MAN2A1: variants seen among roughly 807,000 people sequenced by gnomAD.
MAN2A1 encodes alpha-mannosidase 2.
MAN2A1 carries 76 observed loss-of-function variants against 142.6 expected under a neutral mutation model. The ratio of observed to expected loss-of-function variants is 0.53; its 90% CI spans 0.44 to 0.65. The LOEUF (loss-of-function observed/expected upper bound fraction) is 0.65, where lower values mean the gene tolerates loss of function less well. Among genes scored for constraint, MAN2A1 ranks in the 30% least tolerant of loss-of-function variants. The probability of loss-of-function intolerance (pLI) is 0.00; values close to 1 mark genes in which losing one functional copy is unlikely to be tolerated. For synonymous variants in MAN2A1, 559 were observed against 473.2 expected (o/e 1.18, Z -2.35); for missense variants, 1,311 against 1,365.1 (o/e 0.96, Z 0.62).
chr5:109,840,339 AT>A (rs1755167903), intron 16 of MAN2A1: 3 of 350,024 alleles, frequency 8.6e-6, no homozygotes, highest in South Asian at 7.9e-5. Flanking sequence ...TCTTCTTGAC[AT>A]TTTGGAAAAG....
chr5:109,698,429 C>T (rs1199321597), intron 1 of MAN2A1, among the ~76,000 whole-genome samples: 1 of 152,180 alleles, frequency 6.6e-6, no homozygotes, highest in Non-Finnish European at 1.5e-5. Flanking sequence ...CATTTGTGTC[C>T]TCACAGATTT....
Position 109,716,236 on chromosome 5 carries a change from T to C in MAN2A1, c.507T>C (p.Phe169=), listed in dbSNP as rs752195808. The C allele has an allele frequency of 1.7e-5, 27 of 1,604,926 alleles. No individual in the cohort carries two copies. In the South Asian group the frequency reaches 2.8e-4, roughly 17 times the overall value. ...GGGACACTGAACCCCTTCAAGTCTT[T>C]GTGGTGCCTCATTCCCATAACGACC... The part of the protein sequence containing the change: ...NEWDTEPLQV[F]VVPHSHNDPG... Residue 169 remains phenylalanine, a synonymous_variant, in exon 3 of 22, where the codon TTT becomes TTC. Transcript: ENST00000261483.
At chr5:109,822,969 C>T (rs1754667428) in intron 15 of MAN2A1, among the ~76,000 whole-genome samples, 1 of 152,162 alleles carries the variant, frequency 6.6e-6, no homozygotes, top group Non-Finnish European at 1.5e-5. Context: ...TGAGCCACGG[C>T]GCCTGGCCGA....
At chr5:109,728,089 C>T (rs1466946013) in intron 3 of MAN2A1, among the ~76,000 whole-genome samples, 3 of 152,108 alleles carry the variant, frequency 2.0e-5, no homozygotes, top group East Asian at 1.9e-4. Context: ...TAGCTTCATA[C>T]GTGCCACATT....
chr5:109,704,372 A>G (rs1156768590), intron 1 of MAN2A1, among the ~76,000 whole-genome samples: 1 of 152,210 alleles, frequency 6.6e-6, no homozygotes, highest in African/African-American at 2.4e-5. Flanking sequence ...TCGTGAGGGC[A>G]TTTATTTCTT....
At chr5:109,730,874 T>C (rs1477802728) in intron 4 of MAN2A1, among the ~76,000 whole-genome samples, 1 of 152,132 alleles carries the variant, frequency 6.6e-6, no homozygotes, top group Non-Finnish European at 1.5e-5. Flanking sequence ...CACTGCGCCA[T>C]CCTGCCTTCC....
chr5:109,819,992 A>G, intron 14 of MAN2A1, 105 bp downstream of exon 14: 1 of 883,296 alleles, frequency 1.1e-6, no homozygotes, highest in East Asian at 2.4e-5. Flanking sequence ...GTAGAGCTGT[A>G]TCAAATACTC....
At chr5:109,731,352 GTTTC>G (rs201890202) in intron 4 of MAN2A1, among the ~76,000 whole-genome samples, 2,819 of 135,684 alleles carry the variant, frequency 0.021, 33 homozygotes, top group Middle Eastern at 0.076. Flanking sequence ...AGGAAAGCGT[GTTTC>G]TTTTTTTTAT....
intron 16 of MAN2A1, among the ~76,000 whole-genome samples, chr5:109,826,283 A>T (rs1329557537): frequency 1.3e-5 from 2 of 152,308 alleles, no homozygotes; most frequent in East Asian, 3.9e-4. Flanking sequence ...TATGAAAAAA[A>T]TAATAAATGA....
intron 4 of MAN2A1, among the ~76,000 whole-genome samples, chr5:109,746,671 T>C (rs1561490959): frequency 6.6e-6 from 1 of 151,984 alleles, no homozygotes; most frequent in African/African-American, 2.4e-5. Flanking sequence ...ACAGTAGCAT[T>C]ACAACATTTA....
rs1360528369 is a variant in MAN2A1 at position 109,734,446 on chromosome 5, C to G, written c.707+4933C>G. Among the ~76,000 whole-genome samples the G allele has an allele frequency of 1.5e-4, 23 of 151,988 alleles. No homozygotes were observed. The East Asian group carries it at 3.3e-3, about 22-fold the overall frequency. On this transcript the variant is annotated intron_variant, in intron 4 of 21. Transcript: ENST00000261483. ...TGTGTTTGCTCTTGTTTCTCTAGTTCTTTTAATTGTGATGTTAGGGTGTCA... is the reference window on the plus strand; with the variant it reads ...TGTGTTTGCTCTTGTTTCTCTAGTTGTTTTAATTGTGATGTTAGGGTGTCA...
At chr5:109,712,526 T>G (rs1187356590) in intron 1 of MAN2A1, among the ~76,000 whole-genome samples, 1 of 152,220 alleles carries the variant, frequency 6.6e-6, no homozygotes, top group African/African-American at 2.4e-5. Flanking sequence ...TTCTCTTTTC[T>G]CTTCTTCCTT....
At chr5:109,801,091 C>A (rs1299472247) in intron 12 of MAN2A1, among the ~76,000 whole-genome samples, 1 of 152,048 alleles carries the variant, frequency 6.6e-6, no homozygotes, top group East Asian at 1.9e-4. Flanking sequence ...ACAACAGAAA[C>A]CTTATTACAA....
intron 5 of MAN2A1, among the ~76,000 whole-genome samples, chr5:109,765,865 G>A (rs1396988013): frequency 6.6e-6 from 1 of 152,012 alleles, no homozygotes; most frequent in African/African-American, 2.4e-5. Context: ...ATGATTTCTT[G>A]ACTGTCTCTT....
At chr5:109,833,797 A>G (rs1463165073) in intron 16 of MAN2A1, among the ~76,000 whole-genome samples, 4 of 152,182 alleles carry the variant, frequency 2.6e-5, no homozygotes, top group African/African-American at 9.7e-5. Flanking sequence ...AGACTGATCT[A>G]TCGTCAAACA....
At chr5:109,863,475 G>T (rs1384512544) in intron 20 of MAN2A1, 12 of 152,168 alleles carry the variant, frequency 7.9e-5, no homozygotes, top group Non-Finnish European at 1.6e-4. Flanking sequence ...CCCCACTCAG[G>T]CTCTGAACCA....
chr5:109,842,306 A>G (rs761630493), intron 16 of MAN2A1, 22 bp from the exon 17 acceptor site: 14 of 1,449,530 alleles, frequency 9.7e-6, no homozygotes, highest in Non-Finnish European at 4.7e-6. Flanking sequence ...CTATTAATCC[A>G]TATATATTTT....
rs192541190 is a variant in MAN2A1, at chr5:109,729,893, C to G, written c.707+380C>G. Among the ~76,000 whole-genome samples, 22 of 152,074 alleles carry G rather than the reference C, an allele frequency of 1.4e-4. 1 individual carries two copies. The highest frequency in any genetic ancestry group is 9.2e-4 in the Admixed American group (14 of 15,258). On this transcript the variant is annotated intron_variant, in intron 4 of 21. Transcript: ENST00000261483. The stretch of plus-strand genomic sequence containing the variant: ...TGTAATTCCAACTACTCAGGAGGCT[C>G]AGGCACGACAATGCTTGGACCCAGA...
chr5:109,706,854 G>T (rs1751148705), intron 1 of MAN2A1, among the ~76,000 whole-genome samples: 1 of 152,096 alleles, frequency 6.6e-6, no homozygotes, highest in Admixed American at 6.6e-5. Flanking sequence ...CTATCGGTGG[G>T]TATATTATAA....
Sources: gnomAD v4.1 joint callset for allele counts (sites outside exome capture counted in the v4.1 genomes callset) on GRCh38, gnomAD v4.1.1 for gene constraint, MANE v1.5 for transcripts, NCBI Gene and HGNC (gene_info 2026-07-23, HGNC 2026-07-21) for gene names.